The following GPR39 variants were observed in gnomAD, a reference collection of about 807,000 sequenced individuals.
GPR39 encodes zinc sensing receptor.
Under a neutral mutation model 18.4 loss-of-function variants are expected in GPR39, and 23 were observed. That is an observed-to-expected ratio of 1.25 (90% CI 0.90 to 1.77). The LOEUF (loss-of-function observed/expected upper bound fraction) is 1.77, where lower values mean the gene tolerates loss of function less well. Among genes scored for constraint, GPR39 ranks in the 40% most tolerant of loss-of-function variants. The pLI, the probability that GPR39 is intolerant of heterozygous loss-of-function variation, is 0.00. For synonymous variants in GPR39, 280 were observed against 257.9 expected (o/e 1.09, Z -0.82); for missense variants, 647 against 602.4 (o/e 1.07, Z -0.78).
intron 1 of GPR39, among the ~76,000 whole-genome samples, chr2:132,492,509 A>C (rs1275588580): frequency 7.0e-6 from 1 of 143,652 alleles, no homozygotes; most frequent in African/African-American, 2.5e-5. Context: ...TACACACCAT[A>C]TATACCATAT....
At chr2:132,596,149 A>G (rs1680942430) in intron 1 of GPR39, among the ~76,000 whole-genome samples, 1 of 152,202 alleles carries the variant, frequency 6.6e-6, no homozygotes, top group Non-Finnish European at 1.5e-5. Context: ...CCAAGCTTAA[A>G]GAAAATCCTG....
At chr2:132,493,536 C>CATAT (rs146388065) in intron 1 of GPR39, among the ~76,000 whole-genome samples, 2 of 126,034 alleles carry the variant, frequency 1.6e-5, no homozygotes, top group African/African-American at 6.2e-5. Flanking sequence ...ATACACACAC[C>CATAT]ATATATATAT....
At chr2:132,506,408 G>A (rs1679136739) in intron 1 of GPR39, among the ~76,000 whole-genome samples, 1 of 151,952 alleles carries the variant, frequency 6.6e-6, no homozygotes, top group Admixed American at 6.6e-5. Flanking sequence ...AATCTAATAT[G>A]CTCCTATTTG....
rs78335345 is a variant in GPR39 at position 132,605,901 on chromosome 2, G to A, written c.857-39200G>A. On this transcript the variant is annotated intron_variant, in intron 1 of 1. Coordinates refer to ENST00000329321, the MANE Select transcript of GPR39 (RefSeq NM_001508.3). ...GATGCTGAGCTGTCGTTTTACAAAC[G>A]TATTCATGGGCTTGGCTGTCACTTT... is the stretch of plus-strand genomic sequence containing the variant. Among the ~76,000 whole-genome samples, 512 of 152,330 alleles carry A rather than the reference G, an allele frequency of 3.4e-3. 4 individuals carry two copies. The highest frequency in any genetic ancestry group is 0.012 in the African/African-American group (480 of 41,572).
intron 1 of GPR39, among the ~76,000 whole-genome samples, chr2:132,460,371 T>C (rs762851865): frequency 1.3e-5 from 2 of 152,176 alleles, no homozygotes; most frequent in African/African-American, 2.4e-5. Context: ...AGTTGGCTTA[T>C]GCTAAAGTTA....
At chr2:132,433,274 G>A (rs546117338) in intron 1 of GPR39, among the ~76,000 whole-genome samples, 91 of 152,232 alleles carry the variant, frequency 6.0e-4, no homozygotes, top group Non-Finnish European at 8.5e-4. Context: ...ATGTAAACAT[G>A]CAGTATTAAA....
chr2:132,625,878 G>C (rs1345007424), intron 1 of GPR39, among the ~76,000 whole-genome samples: 1 of 152,138 alleles, frequency 6.6e-6, no homozygotes, highest in Admixed American at 6.5e-5. Flanking sequence ...AAGGCGGGTG[G>C]ATCACAAGGT....
At chr2:132,538,672 C>T (rs1679804860) in intron 1 of GPR39, among the ~76,000 whole-genome samples, 1 of 152,198 alleles carries the variant, frequency 6.6e-6, no homozygotes, top group African/African-American at 2.4e-5. Context: ...GCACCCATCC[C>T]TCCCCCCGGG....
At chr2:132,430,893 C>G (rs1353339481) in intron 1 of GPR39, among the ~76,000 whole-genome samples, 1 of 152,212 alleles carries the variant, frequency 6.6e-6, no homozygotes, top group Non-Finnish European at 1.5e-5. Context: ...TCCATGCAGA[C>G]TTTCCCCAGA....
chr2:132,602,074 C>G (rs1279880151), intron 1 of GPR39, among the ~76,000 whole-genome samples: 1 of 151,290 alleles, frequency 6.6e-6, no homozygotes, highest in Admixed American at 6.6e-5. Context: ...ACAAAAGACC[C>G]CAAATAGCCA....
chr2:132,602,880 A>AAAAC (rs1681069617), intron 1 of GPR39, among the ~76,000 whole-genome samples: 1 of 151,542 alleles, frequency 6.6e-6, no homozygotes. Context: ...AGAAAAAAAA[A>AAAAC]AAAAACAAAT....
rs150254266 is a variant in GPR39, at chr2:132,541,088, G to A, written c.857-104013G>A. Among the ~76,000 whole-genome samples the A allele has an allele frequency of 1.0e-3, 155 of 151,912 alleles. 2 individuals are homozygous for A. In the East Asian group the frequency reaches 0.014, roughly 14 times the overall value. ...ACCTGGGCTTTTTCTTCTTATTATT[G>A]TTATTATTTTTTTGAGATGGAGTCT... On this transcript the variant is annotated intron_variant, in intron 1 of 1. Transcript: ENST00000329321.
intron 1 of GPR39, among the ~76,000 whole-genome samples, chr2:132,440,606 G>A (rs1680418075): frequency 6.6e-6 from 1 of 152,102 alleles, no homozygotes; most frequent in Admixed American, 6.5e-5. Flanking sequence ...TGAGAGGGTG[G>A]AAATGGAAAG....
At chr2:132,451,938 G>A (rs1338596039) in intron 1 of GPR39, among the ~76,000 whole-genome samples, 2 of 152,078 alleles carry the variant, frequency 1.3e-5, no homozygotes, top group Non-Finnish European at 2.9e-5. Flanking sequence ...CTCTTGGGTG[G>A]CTGAAAACTT....
At chr2:132,535,544 A>G (rs1045507205) in intron 1 of GPR39, among the ~76,000 whole-genome samples, 1 of 151,912 alleles carries the variant, frequency 6.6e-6, no homozygotes, top group East Asian at 1.9e-4. Context: ...TATCTCTGCC[A>G]GGTTTTGGTA....
chr2:132,517,513 A>G (rs1449888396), intron 1 of GPR39, among the ~76,000 whole-genome samples: 3 of 152,152 alleles, frequency 2.0e-5, no homozygotes, highest in Non-Finnish European at 2.9e-5. Flanking sequence ...TGATTTGATA[A>G]TAGAATCTGA....
intron 1 of GPR39, among the ~76,000 whole-genome samples, chr2:132,436,028 C>T (rs963442151): frequency 6.6e-6 from 1 of 152,212 alleles, no homozygotes; most frequent in Non-Finnish European, 1.5e-5. Flanking sequence ...CTGAAAGACT[C>T]TCAGGTGGCC....
At chr2:132,624,336 A>G (rs1315501479) in intron 1 of GPR39, among the ~76,000 whole-genome samples, 1 of 152,206 alleles carries the variant, frequency 6.6e-6, no homozygotes, top group African/African-American at 2.4e-5. Context: ...TTGCCTCGTT[A>G]AGACCCTATC....
At chr2:132,587,583 A>G (rs1680752205) in intron 1 of GPR39, among the ~76,000 whole-genome samples, 1 of 151,966 alleles carries the variant, frequency 6.6e-6, no homozygotes, top group Non-Finnish European at 1.5e-5. Flanking sequence ...CCAGGCTGGA[A>G]TGCGGTAGTG....
Sources: gnomAD v4.1 joint callset for allele counts (sites outside exome capture counted in the v4.1 genomes callset) on GRCh38, gnomAD v4.1.1 for gene constraint, MANE v1.5 for transcripts, NCBI Gene and HGNC (gene_info 2026-07-23, HGNC 2026-07-21) for gene names.